EVC2: variants seen among roughly 807,000 people sequenced by gnomAD.
The protein encoded by EVC2 is EvC ciliary complex subunit 2, also known as limbin.
Under a neutral mutation model 149.3 loss-of-function variants are expected in EVC2, and 148 were observed. That is an observed-to-expected ratio of 0.99 (90% confidence interval 0.87 to 1.14). EVC2 has a LOEUF of 1.14. EVC2 is among the 50% of genes most tolerant of loss of function. The pLI is 0.00. For missense variants in EVC2, 1,854 were observed against 1,627.3 expected (o/e 1.14, Z -2.40); for synonymous variants, 776 against 649.9 (o/e 1.19, Z -2.95).
chr4:5,566,007 C>G (rs1429727364), intron 20 of EVC2, among the ~76,000 whole-genome samples: 3 of 152,244 alleles, frequency 2.0e-5, no homozygotes, highest in Non-Finnish European at 4.4e-5. Flanking sequence ...GATGAATGCT[C>G]TACGCAAGCA....
In EVC2 at chr4:5,625,162, C is replaced by T. The variant is rs950331533; in HGVS notation, c.2046+587G>A. On this transcript the variant is annotated intron_variant, in intron 13 of 21. Coordinates refer to ENST00000344408, the MANE Select transcript of EVC2 (RefSeq NM_147127.5). This position sits in a 1 kb window ranked among gnomAD's most constrained non-coding sequence, Gnocchi z 4.0. ...TTGGATGGAAGGTAACCCCTTAGCA[C>T]GGCACACCATGCCCCCATTGACTTG... 8.5e-5 allele frequency among the ~76,000 whole-genome samples: 13 copies of T among 152,104 alleles called. No homozygotes were observed. The highest frequency in any genetic ancestry group is 1.4e-4 in the African/African-American group (6 of 41,420).
intron 21 of EVC2, 25 bp from the exon 22 acceptor site, chr4:5,563,140 T>A (rs1207264912): frequency 4.4e-6 from 7 of 1,607,092 alleles, no homozygotes; most frequent in Non-Finnish European, 5.9e-6. Flanking sequence ...AAAGATCAAA[T>A]TCAATATTTT....
At chr4:5,604,133 T>C (rs1301409538) in intron 16 of EVC2, among the ~76,000 whole-genome samples, 2 of 152,190 alleles carry the variant, frequency 1.3e-5, no homozygotes, top group Non-Finnish European at 2.9e-5. Context: ...GGGTGTAGGA[T>C]ACATGCAGAG....
intron 16 of EVC2, among the ~76,000 whole-genome samples, chr4:5,611,617 A>G (rs979625125): frequency 6.6e-6 from 1 of 152,220 alleles, no homozygotes; most frequent in Non-Finnish European, 1.5e-5. Flanking sequence ...CTAAGAAAGA[A>G]AAGTGGTAAT....
chr4:5,543,610 G>C (rs1217545360), intron 21 of EVC2, among the ~76,000 whole-genome samples: 1 of 152,186 alleles, frequency 6.6e-6, no homozygotes, highest in East Asian at 1.9e-4. Flanking sequence ...GAAGAGAGGA[G>C]AATCGGGAAA....
intron 4 of EVC2, among the ~76,000 whole-genome samples, chr4:5,690,313 A>G (rs369741918): frequency 6.6e-6 from 1 of 152,188 alleles, no homozygotes; most frequent in African/African-American, 2.4e-5. Flanking sequence ...AACCCTCCAC[A>G]TTCAGGAGAA....
At chr4:5,562,115 T>C (rs1392374810), downstream of EVC2, among the ~76,000 whole-genome samples, 1 of 152,198 alleles carries the variant, frequency 6.6e-6, no homozygotes, top group East Asian at 1.9e-4. This position sits in a 1 kb window ranked among gnomAD's most constrained non-coding sequence, Gnocchi z 4.3. Flanking sequence ...AGGGCTGTTA[T>C]GTGTCCATGG....
intron 8 of EVC2, among the ~76,000 whole-genome samples, 169 bp downstream of exon 8, chr4:5,665,346 T>C (rs1719196631): frequency 6.6e-6 from 1 of 152,130 alleles, no homozygotes; most frequent in Non-Finnish European, 1.5e-5. Flanking sequence ...ATGATGGGGA[T>C]GCATCCCAGG....
intron 11 of EVC2, 50 bp from the exon 12 acceptor site, chr4:5,628,784 G>C: frequency 6.5e-7 from 1 of 1,535,316 alleles, no homozygotes; most frequent in Non-Finnish European, 8.9e-7. Flanking sequence ...AAAATTTAGA[G>C]CATAATCTTT....
chr4:5,707,391 G>A (rs1032122582), intron 1 of EVC2, among the ~76,000 whole-genome samples: 21 of 152,136 alleles, frequency 1.4e-4, no homozygotes, highest in Admixed American at 9.2e-4. Flanking sequence ...TAGGAGAGAG[G>A]TGGGAGGACC....
At position 5,615,003 on chromosome 4, in the gene EVC2, A is replaced by C. The variant is rs115951863; in HGVS notation, c.2829+419T>G. Among the ~76,000 whole-genome samples, 964 of 152,262 alleles carry C rather than the reference A, an allele frequency of 6.3e-3. 13 individuals are homozygous for C. The highest frequency in any genetic ancestry group is 0.022 in the African/African-American group (906 of 41,546). On this transcript the variant is annotated intron_variant, in intron 16 of 21. Transcript: ENST00000344408. ...AAAAAACCAAAACCAAACAAACAAA[A>C]AAAAATGGGGCTGAAGGGAGAGCCT...
intron 16 of EVC2, among the ~76,000 whole-genome samples, chr4:5,589,614 G>A (rs147967388): frequency 6.6e-6 from 1 of 152,208 alleles, no homozygotes; most frequent in East Asian, 1.9e-4. Flanking sequence ...GCCTCAGCCT[G>A]GAAACCCTTT....
chr4:5,535,701 C>T, the EVC2 span, among the ~76,000 whole-genome samples: 1 of 152,074 alleles, frequency 6.6e-6, no homozygotes, highest in Non-Finnish European at 1.5e-5. The surrounding 1 kb of genome is among the most constrained non-coding windows in gnomAD (Gnocchi z 4.7). Context: ...GCCCCACCCT[C>T]ATGACCTCAT....
chr4:5,694,266 T>C (rs932243832), intron 3 of EVC2, 69 bp downstream of exon 3: 9 of 1,550,434 alleles, frequency 5.8e-6, no homozygotes, highest in Non-Finnish European at 6.2e-6. Context: ...TGCCATTTTA[T>C]ATACAGGCCA....
chr4:5,535,507 T>A, the EVC2 span, among the ~76,000 whole-genome samples: 6 of 151,848 alleles, frequency 4.0e-5, no homozygotes, highest in African/African-American at 1.5e-4. This position sits in a 1 kb window ranked among gnomAD's most constrained non-coding sequence, Gnocchi z 4.7. Context: ...ACAGACTGGG[T>A]GGCTGAAACA....
chr4:5,685,647 G>C (rs1409902664), intron 5 of EVC2, among the ~76,000 whole-genome samples, 168 bp from the exon 6 acceptor site: 1 of 152,244 alleles, frequency 6.6e-6, no homozygotes, highest in South Asian at 2.1e-4. Flanking sequence ...ACACAGCTGG[G>C]TGTGGGGAGG....
chr4:5,665,968 C>T (rs190875870), intron 7 of EVC2, among the ~76,000 whole-genome samples: 1 of 152,244 alleles, frequency 6.6e-6, no homozygotes, highest in African/African-American at 2.4e-5. Flanking sequence ...ACATGATAAT[C>T]CAAAGGAAGC....
intron 9 of EVC2, among the ~76,000 whole-genome samples, chr4:5,660,961 T>A (rs557840081): frequency 2.6e-5 from 4 of 152,226 alleles, no homozygotes; most frequent in African/African-American, 9.6e-5. Context: ...CCAAATTAAA[T>A]AAGGGGCGTG....
At chr4:5,577,190 A>G (rs1037921702) in intron 17 of EVC2, among the ~76,000 whole-genome samples, 1 of 152,216 alleles carries the variant, frequency 6.6e-6, no homozygotes, top group African/African-American at 2.4e-5. Flanking sequence ...TTGTCAGATG[A>G]TGTAACTATT....
Sources: gnomAD v4.1 joint callset for allele counts (sites outside exome capture counted in the v4.1 genomes callset) on GRCh38, gnomAD v4.1.1 for gene constraint, Gnocchi (gnomAD v3.1) non-coding constraint, MANE v1.5 for transcripts, NCBI Gene and HGNC (gene_info 2026-07-23, HGNC 2026-07-21) for gene names.